ARHGEF7: variants seen among roughly 807,000 people sequenced by gnomAD.
The protein encoded by ARHGEF7 is PAK-interacting exchange factor beta.
In ARHGEF7, 33 loss-of-function variants were observed where a neutral mutation model predicts 109.8. That is an observed-to-expected ratio of 0.30 (90% CI 0.23 to 0.40). ARHGEF7 has a LOEUF of 0.40. Among genes scored for constraint, ARHGEF7 ranks in the 10% least tolerant of loss-of-function variants. ARHGEF7 has a pLI of 1.00. For synonymous variants in ARHGEF7, 458 were observed against 424.6 expected, an observed-to-expected ratio of 1.08 and a Z score of -0.97; for missense variants, 938 against 1,098.5, an observed-to-expected ratio of 0.85 and a Z score of 2.07.
intron 2 of ARHGEF7, among the ~76,000 whole-genome samples, chr13:111,204,997 C>T (rs1555364921): frequency 6.8e-6 from 1 of 147,030 alleles, no homozygotes; most frequent in East Asian, 2.0e-4. Flanking sequence ...GCAGCCCACC[C>T]CCCCACCCCG....
At position 111,273,996 on chromosome 13, in the gene ARHGEF7, T is replaced by C; in HGVS notation, c.1212+44T>C. On this transcript the variant is annotated intron_variant, in intron 10 of 21. Coordinates refer to ENST00000646102, the MANE Select transcript of ARHGEF7 (RefSeq NM_001354046.2). The surrounding 1 kb of genome is among the most constrained non-coding windows in gnomAD (Gnocchi z 4.5). ...CTTACTTGGAGTCCTTACCAAGGGT[T>C]AGTGGCATGGTCAGACTTACTGTGA... The C allele has an allele frequency of 6.2e-7, 1 of 1,602,934 alleles. No homozygotes were observed.
intron 2 of ARHGEF7, among the ~76,000 whole-genome samples, chr13:111,176,715 A>G (rs1221027199): frequency 1.3e-5 from 2 of 152,210 alleles, no homozygotes; most frequent in African/African-American, 2.4e-5. Flanking sequence ...GGCGTGTCAC[A>G]TGATCTGAGA....
chr13:111,166,166 C>T (rs774959735), intron 2 of ARHGEF7, among the ~76,000 whole-genome samples: 1 of 152,188 alleles, frequency 6.6e-6, no homozygotes, highest in African/African-American at 2.4e-5. Flanking sequence ...CCTTGCTTTT[C>T]TCCAGACTGT....
intron 4 of ARHGEF7, among the ~76,000 whole-genome samples, chr13:111,210,607 A>G (rs550891318): frequency 9.2e-5 from 14 of 152,314 alleles, no homozygotes; most frequent in Admixed American, 7.2e-4. Context: ...CATGGAATGT[A>G]ATAGTGAAGT....
At chr13:111,235,629 G>T (rs1313930165) in intron 6 of ARHGEF7, among the ~76,000 whole-genome samples, 1 of 152,184 alleles carries the variant, frequency 6.6e-6, no homozygotes, top group Non-Finnish European at 1.5e-5. Context: ...TCATTTTACA[G>T]CAGAGAAAAC....
intron 2 of ARHGEF7, among the ~76,000 whole-genome samples, chr13:111,185,795 T>C (rs544695742): frequency 6.6e-6 from 1 of 152,168 alleles, no homozygotes; most frequent in East Asian, 1.9e-4. Flanking sequence ...AGACCACCCC[T>C]CCTCCCCTGG....
intron 2 of ARHGEF7, among the ~76,000 whole-genome samples, chr13:111,195,476 A>G (rs2080384063): frequency 6.6e-6 from 1 of 152,192 alleles, no homozygotes; most frequent in Non-Finnish European, 1.5e-5. Context: ...GACCTTGAGG[A>G]TAGTCGTCCA....
intron 4 of ARHGEF7, among the ~76,000 whole-genome samples, chr13:111,210,829 C>G (rs1478646986): frequency 2.0e-5 from 3 of 152,134 alleles, no homozygotes; most frequent in African/African-American, 7.2e-5. Context: ...CTAGAGAGAA[C>G]CCTATTCTAG....
At chr13:111,242,419 A>G (rs1047943109) in intron 6 of ARHGEF7, among the ~76,000 whole-genome samples, 5 of 152,232 alleles carry the variant, frequency 3.3e-5, no homozygotes, top group African/African-American at 1.2e-4. Context: ...ATTATCAAAA[A>G]TGATGGGGAC....
chr13:111,291,272 C>T (rs913270707), intron 18 of ARHGEF7, among the ~76,000 whole-genome samples: 1 of 152,272 alleles, frequency 6.6e-6, no homozygotes, highest in Admixed American at 6.5e-5. Context: ...CTCATAGTTG[C>T]CAGCCACTCG....
At chr13:111,178,685 G>A (rs1232294306) in intron 2 of ARHGEF7, among the ~76,000 whole-genome samples, 4 of 152,216 alleles carry the variant, frequency 2.6e-5, no homozygotes, top group East Asian at 1.9e-4. Flanking sequence ...GGCAGCTGCC[G>A]GTACCCACCC....
intron 2 of ARHGEF7, among the ~76,000 whole-genome samples, chr13:111,190,666 A>G (rs1385958068): frequency 6.6e-6 from 1 of 152,200 alleles, no homozygotes; most frequent in Non-Finnish European, 1.5e-5. Flanking sequence ...CTCTGCGATG[A>G]CAGACTTGAG....
At chr13:111,153,579 G>A (rs1464362071) in intron 1 of ARHGEF7, 24 of 1,081,698 alleles carry the variant, frequency 2.2e-5, no homozygotes, top group Non-Finnish European at 2.6e-5. Flanking sequence ...TGCGTCCGCG[G>A]GGGCGAACAC....
chr13:111,277,954 C>T (rs1231947385), intron 13 of ARHGEF7, among the ~76,000 whole-genome samples: 7 of 152,160 alleles, frequency 4.6e-5, no homozygotes, highest in East Asian at 1.9e-4. Flanking sequence ...TGCCTTCTGT[C>T]GTTTCATGCA....
At chr13:111,178,675 G>T (rs1004932072) in intron 2 of ARHGEF7, among the ~76,000 whole-genome samples, 3 of 152,248 alleles carry the variant, frequency 2.0e-5, no homozygotes, top group African/African-American at 7.2e-5. Context: ...CTGTCAGGGA[G>T]GCAGCTGCCG....
chr13:111,241,222 G>GCGTC lies in ARHGEF7; in HGVS notation c.760-2648_760-2645dup, dbSNP rs2087717991. 13 of 1,536,172 alleles carry GCGTC rather than the reference G, an allele frequency of 8.5e-6. No homozygotes were observed. In the South Asian group the frequency reaches 1.4e-4, roughly 17 times the overall value. On this transcript the variant is annotated intron_variant, in intron 6 of 21. Transcript: ENST00000646102. ...GCTGCCTTTTCTTTGAAAACTGCCT[G>GCGTC]CGTCCTCTGGGTTCCCAGCGTTGGT...
intron 8 of ARHGEF7, among the ~76,000 whole-genome samples, chr13:111,256,495 C>T (rs2090438519): frequency 1.3e-5 from 2 of 152,176 alleles, no homozygotes; most frequent in South Asian, 4.1e-4. Context: ...TTGTTAGCTC[C>T]TGCCTCTGAA....
intron 2 of ARHGEF7, among the ~76,000 whole-genome samples, chr13:111,164,043 A>G (rs1237157841): frequency 1.3e-5 from 2 of 149,512 alleles, no homozygotes; most frequent in African/African-American, 4.9e-5. Context: ...TGGCCCCCGT[A>G]TTGCGTGTTG....
chr13:111,205,224 A>G (rs2081667932), intron 2 of ARHGEF7, 65 bp from the exon 3 acceptor site: 8 of 1,308,454 alleles, frequency 6.1e-6, no homozygotes, highest in Non-Finnish European at 8.6e-6. Context: ...TGCTGGGAGA[A>G]CTTAGTTCAT....
Sources: gnomAD v4.1 joint callset for allele counts (sites outside exome capture counted in the v4.1 genomes callset) on GRCh38, gnomAD v4.1.1 for gene constraint, Gnocchi (gnomAD v3.1) non-coding constraint, MANE v1.5 for transcripts, NCBI Gene and HGNC (gene_info 2026-07-23, HGNC 2026-07-21) for gene names.